RBFOX1: variants seen among roughly 807,000 people sequenced by gnomAD.
RBFOX1 encodes RNA binding fox-1 homolog 1, also known as RNA binding protein fox-1 homolog 1.
Under a neutral mutation model 57.7 loss-of-function variants are expected in RBFOX1, and 8 were observed. That is an observed-to-expected ratio of 0.14 (90% CI 0.08 to 0.25). The LOEUF (loss-of-function observed/expected upper bound fraction) is 0.25, where lower values mean the gene tolerates loss of function less well. Among genes scored for constraint, RBFOX1 ranks in the 10% least tolerant of loss-of-function variants. RBFOX1 has a pLI of 1.00. For synonymous variants in RBFOX1, 326 were observed against 222.4 expected (o/e 1.47, Z -4.15); for missense variants, 611 against 548.5 (o/e 1.11, Z -1.14).
intron 3 of RBFOX1, among the ~76,000 whole-genome samples, chr16:5,713,516 C>T (rs117092237): frequency 0.017 from 2,608 of 152,186 alleles, 31 homozygotes; most frequent in Non-Finnish European, 0.026. Context: ...ACTCTTTGTT[C>T]CTAAGGAGGG....
intron 2 of RBFOX1, among the ~76,000 whole-genome samples, chr16:6,636,841 A>ATGT (rs2098439614): frequency 8.2e-6 from 1 of 122,604 alleles, no homozygotes; most frequent in African/African-American, 3.3e-5. Flanking sequence ...TATATAATAT[A>ATGT]TAATATATAT....
intron 3 of RBFOX1, among the ~76,000 whole-genome samples, chr16:5,857,891 C>T (rs2057112959): frequency 6.6e-6 from 1 of 152,144 alleles, no homozygotes. Flanking sequence ...CGGTTGCAGT[C>T]AGCTGTGTTT....
At chr16:6,832,557 C>T (rs1040949806) in intron 3 of RBFOX1, among the ~76,000 whole-genome samples, 10 of 152,172 alleles carry the variant, frequency 6.6e-5, no homozygotes, top group African/African-American at 2.2e-4. Flanking sequence ...GTCTTGGGGT[C>T]TCAGGGGCTG....
chr16:6,933,137 C>G (rs1256847997), intron 3 of RBFOX1, among the ~76,000 whole-genome samples: 1 of 152,194 alleles, frequency 6.6e-6, no homozygotes, highest in East Asian at 1.9e-4. Context: ...TCTTATCCCT[C>G]CATTCATCTG....
chr16:6,590,211 A>C (rs1392179622), intron 2 of RBFOX1, among the ~76,000 whole-genome samples: 2 of 152,172 alleles, frequency 1.3e-5, no homozygotes, highest in African/African-American at 4.8e-5. Context: ...GAATTTCAAG[A>C]GCTATTACTT....
chr16:7,002,710 C>T (rs559050045), intron 3 of RBFOX1, among the ~76,000 whole-genome samples: 1 of 152,072 alleles, frequency 6.6e-6, no homozygotes, highest in Admixed American at 6.6e-5. Flanking sequence ...GGGTCCAACT[C>T]AAAAACAAAG....
chr16:7,366,549 C>T (rs975402842), intron 4 of RBFOX1, among the ~76,000 whole-genome samples: 2 of 152,166 alleles, frequency 1.3e-5, no homozygotes, highest in African/African-American at 4.8e-5. Flanking sequence ...CTGGTCCAAC[C>T]ATGGAGGCTG....
intron 5 of RBFOX1, among the ~76,000 whole-genome samples, chr16:7,558,590 A>AT (rs1370867088): frequency 4.6e-5 from 7 of 152,054 alleles, no homozygotes; most frequent in Non-Finnish European, 1.0e-4. Flanking sequence ...ATGTCATTTC[A>AT]TTTTTTATTA....
At chr16:7,013,983 C>G (rs138540163) in intron 3 of RBFOX1, among the ~76,000 whole-genome samples, 2 of 152,050 alleles carry the variant, frequency 1.3e-5, no homozygotes, top group Non-Finnish European at 2.9e-5. Context: ...CTATTCCGTA[C>G]GTCAGTATTC....
chr16:5,943,971 C>G (rs936742689), intron 4 of RBFOX1, among the ~76,000 whole-genome samples: 6 of 151,278 alleles, frequency 4.0e-5, no homozygotes, highest in Non-Finnish European at 8.8e-5. Context: ...ATCCACCCCC[C>G]CACCCATCCA....
intron 1 of RBFOX1, among the ~76,000 whole-genome samples, chr16:6,270,168 G>T (rs1462882641): frequency 6.8e-6 from 1 of 147,724 alleles, no homozygotes; most frequent in African/African-American, 2.4e-5. Context: ...AAGGCAAACT[G>T]AAAAACACAA....
At chr16:5,366,015 TAACACTGGC>T (rs1447271345) in intron 1 of RBFOX1, 1 of 496,214 alleles carries the variant, frequency 2.0e-6, no homozygotes, top group Non-Finnish European at 4.0e-6. Flanking sequence ...CCAATTAAAG[TAACACTGGC>T]AGCTTTGAAA....
At chr16:6,692,263 C>T (rs532130297) in intron 3 of RBFOX1, among the ~76,000 whole-genome samples, 10 of 151,940 alleles carry the variant, frequency 6.6e-5, no homozygotes, top group African/African-American at 1.9e-4. Context: ...AGGGAGTAAA[C>T]GTGTGTCTGA....
At chr16:7,080,940 G>T (rs191511135) in intron 4 of RBFOX1, among the ~76,000 whole-genome samples, 2 of 152,308 alleles carry the variant, frequency 1.3e-5, no homozygotes, top group East Asian at 3.9e-4. Context: ...GCAAAACACA[G>T]ATAGCACCTT....
chr16:7,601,635 C>T (rs2095031077), intron 9 of RBFOX1, among the ~76,000 whole-genome samples: 1 of 152,060 alleles, frequency 6.6e-6, no homozygotes. Context: ...ACACCACCAC[C>T]ACCACCACCA....
intron 4 of RBFOX1, among the ~76,000 whole-genome samples, chr16:7,064,544 A>G (rs935944068): frequency 6.6e-6 from 1 of 152,092 alleles, no homozygotes; most frequent in African/African-American, 2.4e-5. Flanking sequence ...CCAAAGGGAG[A>G]TGATCACCTA....
chr16:5,706,902 C>T (rs561258980), intron 3 of RBFOX1, among the ~76,000 whole-genome samples: 5 of 152,152 alleles, frequency 3.3e-5, no homozygotes, highest in African/African-American at 1.2e-4. Flanking sequence ...CCAGCCCTAG[C>T]CTAAGCCCAC....
chr16:6,684,021 C>A (rs1019381752), intron 3 of RBFOX1, among the ~76,000 whole-genome samples: 9 of 152,116 alleles, frequency 5.9e-5, no homozygotes, highest in African/African-American at 2.2e-4. Context: ...GTGAATGGTC[C>A]ACAGTGTGAA....
At chr16:5,942,754 G>T (rs1482954593) in intron 4 of RBFOX1, among the ~76,000 whole-genome samples, 1 of 152,192 alleles carries the variant, frequency 6.6e-6, no homozygotes, top group African/African-American at 2.4e-5. Flanking sequence ...GGTGGAGTTG[G>T]TTAGATCAGA....
Sources: gnomAD v4.1 joint callset for allele counts (sites outside exome capture counted in the v4.1 genomes callset) on GRCh38, gnomAD v4.1.1 for gene constraint, MANE v1.5 for transcripts, NCBI Gene and HGNC (gene_info 2026-07-23, HGNC 2026-07-21) for gene names.